The following SYNPO2 variants were observed in gnomAD, a reference collection of about 807,000 sequenced individuals.
SYNPO2 encodes the protein synaptopodin-2.
A neutral mutation model predicts 85.0 loss-of-function variants in SYNPO2; 56 were observed. The ratio of observed to expected loss-of-function variants is 0.66; its 90% CI spans 0.53 to 0.82. The LOEUF (loss-of-function observed/expected upper bound fraction) is 0.82. SYNPO2 is among the 40% of genes least tolerant of loss of function. SYNPO2 has a pLI of 0.00. For synonymous variants in SYNPO2, 602 were observed against 591.1 expected, an observed-to-expected ratio of 1.02 and a Z score of -0.27; for missense variants, 1,575 against 1,534.2, an observed-to-expected ratio of 1.03 and a Z score of -0.44.
chr4:118,946,376 A>G (rs1471176548), intron 1 of SYNPO2, among the ~76,000 whole-genome samples: 3 of 152,226 alleles, frequency 2.0e-5, no homozygotes, highest in Non-Finnish European at 4.4e-5. Context: ...AGGGCTCAAG[A>G]TGGGCTGTTT....
At chr4:118,960,079 C>A (rs1214554682) in intron 1 of SYNPO2, among the ~76,000 whole-genome samples, 2 of 151,904 alleles carry the variant, frequency 1.3e-5, no homozygotes, top group Admixed American at 1.3e-4. Context: ...CACAAGGGCA[C>A]AAGTCAAGGA....
At chr4:118,982,229 G>A (rs997305477) in intron 1 of SYNPO2, among the ~76,000 whole-genome samples, 3 of 151,964 alleles carry the variant, frequency 2.0e-5, no homozygotes, top group Admixed American at 2.0e-4. Context: ...TATGGGGAGG[G>A]ATTTATTCTG....
chr4:118,987,673 C>T (rs758269444), intron 1 of SYNPO2, among the ~76,000 whole-genome samples: 7 of 150,752 alleles, frequency 4.6e-5, no homozygotes, highest in Admixed American at 4.0e-4. Flanking sequence ...AATGTGAACT[C>T]GAATTACTGC....
At chr4:119,037,317 A>G in intron 4 of SYNPO2, 1 of 1,292,430 alleles carries the variant, frequency 7.7e-7, no homozygotes, top group Non-Finnish European at 9.8e-7. Context: ...TTTAAATCAA[A>G]AGATTGTACT....
intron 1 of SYNPO2, among the ~76,000 whole-genome samples, chr4:118,925,412 T>G (rs1035380033): frequency 2.0e-5 from 3 of 152,090 alleles, no homozygotes; most frequent in African/African-American, 7.2e-5. Context: ...TTTTTTTTTC[T>G]ACCTCCAAAT....
At position 118,995,895 on chromosome 4, in the gene SYNPO2, T is replaced by TATCTATCTATC. The variant is rs1553944834; in HGVS notation, c.106-27525_106-27515dup. Reference sequence around the variant, plus strand: ...CTATCTATCTATCTATCTATCTATCTATCTATCTATCATCTATCTAATTTT... The same window carrying TATCTATCTATC: ...CTATCTATCTATCTATCTATCTATCTATCTATCTATCATCTATCTATCATCTATCTAATTTT... On this transcript the variant is annotated intron_variant, in intron 1 of 4. Coordinates refer to ENST00000307142, the MANE Select transcript of SYNPO2 (RefSeq NM_133477.3). 1.2e-3 allele frequency among the ~76,000 whole-genome samples: 181 copies of TATCTATCTATC among 148,884 alleles called. 1 individual carries two copies. Among genetic ancestry groups the TATCTATCTATC allele is most frequent in the African/African-American group, 4.5e-3 (172 of 38,446 alleles).
intron 1 of SYNPO2, among the ~76,000 whole-genome samples, chr4:118,904,556 ACTGATCT>A (rs1193756605): frequency 6.6e-6 from 1 of 152,254 alleles, no homozygotes; most frequent in Admixed American, 6.5e-5. Flanking sequence ...AATATAGGAC[ACTGATCT>A]CTGAATAGTC....
intron 4 of SYNPO2, among the ~76,000 whole-genome samples, chr4:119,055,415 C>A (rs928118759): frequency 5.9e-5 from 9 of 152,146 alleles, no homozygotes; most frequent in African/African-American, 2.2e-4. Context: ...TCAGCCTCCC[C>A]AAGAGTTGGG....
intron 1 of SYNPO2, among the ~76,000 whole-genome samples, chr4:118,993,210 A>G (rs1241288088): frequency 3.3e-5 from 5 of 151,880 alleles, no homozygotes; most frequent in Non-Finnish European, 5.9e-5. Context: ...GACAAACAAA[A>G]TGTGTATTTG....
intron 1 of SYNPO2, among the ~76,000 whole-genome samples, chr4:118,862,582 A>G (rs539292227): frequency 5.9e-5 from 9 of 152,262 alleles, no homozygotes; most frequent in Admixed American, 3.3e-4. Flanking sequence ...AATTGAAATG[A>G]TCATATTATT....
In SYNPO2 at chr4:119,029,984, G is replaced by A. The variant is rs142986809; in HGVS notation, c.1209G>A (p.Arg403=). 48 of 1,614,012 alleles carry A rather than the reference G, an allele frequency of 3.0e-5. No homozygotes were observed. In the Middle Eastern group the frequency reaches 2.1e-3, roughly 72 times the overall value. Reference sequence around the variant, plus strand: ...TGATGTTTAAGAAGCGACGTCGGAGGGCCAGGAAATACACCCTAGTTAGCT... The same window carrying A: ...TGATGTTTAAGAAGCGACGTCGGAGAGCCAGGAAATACACCCTAGTTAGCT... The part of the protein sequence containing the change: ...GVLMFKKRRR[R]ARKYTLVSYG... The change falls in exon 4 of 5, where the codon AGG becomes AGA. Residue 403 remains arginine (R), a synonymous_variant. Coordinates refer to ENST00000307142, the MANE Select transcript of SYNPO2 (RefSeq NM_133477.3).
At position 118,854,810 on chromosome 4, in the gene SYNPO2, A is replaced by G. The variant is rs905771394; in HGVS notation, c.12+3870A>G. Among the ~76,000 whole-genome samples, 3 of 152,192 alleles carry G rather than the reference A, an allele frequency of 2.0e-5. No individual in the cohort carries two copies. In the East Asian group the frequency reaches 5.8e-4, roughly 29 times the overall value. ...AATTTTATAAATACTTTGTACATACACACAGAGTAATTGAACTATATAATT... is the reference window on the plus strand; with the variant it reads ...AATTTTATAAATACTTTGTACATACGCACAGAGTAATTGAACTATATAATT... On this transcript the variant is annotated intron_variant, in intron 1 of 4. Transcript: ENST00000610556.
intron 1 of SYNPO2, among the ~76,000 whole-genome samples, chr4:118,863,179 G>C (rs1731641758): frequency 6.6e-6 from 1 of 152,186 alleles, no homozygotes; most frequent in South Asian, 2.1e-4. Context: ...CTCATAGATT[G>C]ATTGTGGAAG....
chr4:119,040,370 G>A (rs1163944950), intron 4 of SYNPO2, among the ~76,000 whole-genome samples: 1 of 152,158 alleles, frequency 6.6e-6, no homozygotes, highest in Admixed American at 6.5e-5. Flanking sequence ...GTCGTTGAGA[G>A]ATCTTTGTTT....
chr4:119,057,007 TG>T (rs1739228335), intron 4 of SYNPO2, among the ~76,000 whole-genome samples: 1 of 152,170 alleles, frequency 6.6e-6, no homozygotes, highest in South Asian at 2.1e-4. Context: ...GGAATAAGGT[TG>T]GGATGTGAAT....
At chr4:118,908,404 C>G (rs1177740186) in intron 1 of SYNPO2, among the ~76,000 whole-genome samples, 1 of 152,042 alleles carries the variant, frequency 6.6e-6, no homozygotes, top group Non-Finnish European at 1.5e-5. Context: ...CATTTCTAAA[C>G]ATTTTAAAAT....
At chr4:118,984,283 C>G (rs1004180652) in intron 1 of SYNPO2, among the ~76,000 whole-genome samples, 2 of 152,148 alleles carry the variant, frequency 1.3e-5, no homozygotes, top group African/African-American at 4.8e-5. Context: ...TATGTACCAT[C>G]TTGTTCCTTT....
intron 1 of SYNPO2, among the ~76,000 whole-genome samples, chr4:118,852,739 G>A (rs1731441782): frequency 6.6e-6 from 1 of 152,152 alleles, no homozygotes; most frequent in African/African-American, 2.4e-5. Context: ...TGGGAGGAGG[G>A]AGAGAATCAG....
intron 1 of SYNPO2, among the ~76,000 whole-genome samples, chr4:118,944,928 A>G (rs1480446996): frequency 6.6e-6 from 1 of 152,194 alleles, no homozygotes; most frequent in Non-Finnish European, 1.5e-5. Flanking sequence ...CACTGCAGTC[A>G]GGATCTTTGT....
Sources: gnomAD v4.1 joint callset for allele counts (sites outside exome capture counted in the v4.1 genomes callset) on GRCh38, gnomAD v4.1.1 for gene constraint, MANE v1.5 for transcripts, NCBI Gene and HGNC (gene_info 2026-07-23, HGNC 2026-07-21) for gene names.